ZIM2: variants seen among roughly 807,000 people sequenced by gnomAD.
The protein encoded by ZIM2 is zinc finger protein 656.
Under a neutral mutation model 38.6 loss-of-function variants are expected in ZIM2, and 14 were observed. The ratio of observed to expected loss-of-function variants is 0.36; its 90% CI spans 0.24 to 0.57. ZIM2 has a LOEUF of 0.57. Among genes scored for constraint, ZIM2 ranks in the 20% least tolerant of loss-of-function variants. The probability of loss-of-function intolerance (pLI) is 0.81; values close to 1 mark genes in which losing one functional copy is unlikely to be tolerated. For synonymous variants in ZIM2, 247 were observed against 245.8 expected, an observed-to-expected ratio of 1.00 and a Z score of -0.04; for missense variants, 680 against 695.1, an observed-to-expected ratio of 0.98 and a Z score of 0.24.
rs762679674 is a variant in ZIM2, at chr19:56,817,471, C to T, written c.490+275G>A. 186 of 1,613,508 alleles carry T rather than the reference C, an allele frequency of 1.2e-4. No homozygotes were observed. In the East Asian group the frequency reaches 3.5e-3, roughly 31 times the overall value. On this transcript the variant is annotated intron_variant, in intron 9 of 12. Coordinates refer to ENST00000629319, the MANE Select transcript of ZIM2 (RefSeq NM_001387356.1). ...CCTTGCTCTTCCCGATTTGGAACTG[C>T]GTGACACATCCTTGATGAATTTTTC...
chr19:56,814,747 T>C lies in ZIM2; in HGVS notation c.490+2999A>G, dbSNP rs373737957. The C allele has an allele frequency of 5.6e-6, 9 of 1,614,158 alleles. No homozygotes were observed. Among genetic ancestry groups the C allele is most frequent in the Non-Finnish European group, 6.8e-6 (8 of 1,180,034 alleles). ...AAGGGCAGAGCTATGAATGAAGCCTTGTCCACACAAAAGGCATCGAATGGC... is the reference window on the plus strand; with the variant it reads ...AAGGGCAGAGCTATGAATGAAGCCTCGTCCACACAAAAGGCATCGAATGGC... On this transcript the variant is annotated intron_variant, in intron 9 of 12. Coordinates refer to ENST00000629319, the MANE Select transcript of ZIM2 (RefSeq NM_001387356.1). The surrounding 1 kb of genome is among the most constrained non-coding windows in gnomAD (Gnocchi z 5.8).
At chr19:56,811,036 T>C (rs2059503661) in intron 9 of ZIM2, 1 of 980,868 alleles carries the variant, frequency 1.0e-6, no homozygotes, top group African/African-American at 1.7e-5. Flanking sequence ...CATAAACCTG[T>C]GCACAGAAAC....
rs1303390578 is a variant in ZIM2, at chr19:56,831,833, T to C, written c.-227+4185A>G. Among the ~76,000 whole-genome samples, 3 of 152,358 alleles carry C rather than the reference T, an allele frequency of 2.0e-5. No individual in the cohort carries two copies. The East Asian group carries it at 5.8e-4, about 29-fold the overall frequency. ...TGCTATTAATAAATCTTAAAATCTA[T>C]ACTTATGTTGTTCTTACTGCAAATA... On this transcript the variant is annotated intron_variant, in intron 2 of 12. Coordinates refer to ENST00000629319, the MANE Select transcript of ZIM2 (RefSeq NM_001387356.1).
At chr19:56,795,165 A>C (rs2047134735) in intron 9 of ZIM2, among the ~76,000 whole-genome samples, 1 of 151,780 alleles carries the variant, frequency 6.6e-6, no homozygotes, top group Admixed American at 6.6e-5. Context: ...AGTGATTCTC[A>C]AGCCTCAGCC....
chr19:56,818,145 G>T (rs1210207683), intron 8 of ZIM2, among the ~76,000 whole-genome samples: 1 of 151,886 alleles, frequency 6.6e-6, no homozygotes, highest in Non-Finnish European at 1.5e-5. Context: ...TTTTCCACTG[G>T]CCTTCTTCCT....
chr19:56,823,554 C>A, intron 5 of ZIM2, 36 bp downstream of exon 5: 1 of 1,613,362 alleles, frequency 6.2e-7, no homozygotes, highest in East Asian at 2.2e-5. Flanking sequence ...TCTGGCAGCG[C>A]CTGCCCATGG....
chr19:56,807,531 A>G (rs1387654952), intron 9 of ZIM2, among the ~76,000 whole-genome samples: 2 of 152,206 alleles, frequency 1.3e-5, no homozygotes, highest in African/African-American at 4.8e-5. Context: ...TGTCTAGGCC[A>G]GGCACAGTGG....
intron 9 of ZIM2, among the ~76,000 whole-genome samples, chr19:56,803,728 A>C (rs1026107600): frequency 6.6e-6 from 1 of 152,128 alleles, no homozygotes; most frequent in African/African-American, 2.4e-5. Flanking sequence ...TAATTAAAGA[A>C]AATAATAAAG....
At position 56,781,946 on chromosome 19, in the gene ZIM2, T is replaced by C. The variant is rs542641727; in HGVS notation, c.739+7A>G. The C allele has an allele frequency of 2.5e-6, 4 of 1,612,638 alleles. No individual in the cohort carries two copies. The highest frequency in any genetic ancestry group is 2.7e-5 in the African/African-American group (2 of 75,006). On this transcript the variant is annotated splice_region_variant and intron_variant, in intron 11 of 12. Transcript: ENST00000629319. ...GAAACCAAGTCCTGTGGAGAAGGCA[T>C]ACTTACCCAGGGAGACCAGGTTCCG...
At position 56,810,596 on chromosome 19, in the gene ZIM2, C is replaced by T. The variant is rs1047954169; in HGVS notation, c.490+7150G>A. Reference sequence around the variant, plus strand: ...TTATATTTGTAATGGAAAATACATACATAAAATTTATTACCAAAACACCAA... The same window carrying T: ...TTATATTTGTAATGGAAAATACATATATAAAATTTATTACCAAAACACCAA... On this transcript the variant is annotated intron_variant, in intron 9 of 12. Transcript: ENST00000629319. The T allele has an allele frequency of 6.5e-6, 6 of 929,564 alleles. No individual in the cohort carries two copies. The African/African-American group carries it at 8.9e-5, about 14-fold the overall frequency. The allele number at this position is 929,564 out of a possible 1,614,324, so 57.6% of individuals were successfully genotyped here.
At chr19:56,812,971 G>A (rs1298469890) in intron 9 of ZIM2, 25 of 985,666 alleles carry the variant, frequency 2.5e-5, no homozygotes, top group Non-Finnish European at 2.9e-5. Context: ...CAAAGTGTTG[G>A]CGCAGATGAA....
rs372687566 is a variant in ZIM2, at chr19:56,814,393, T to C, written c.490+3353A>G. 14 of 1,613,644 alleles carry C rather than the reference T, an allele frequency of 8.7e-6. No individual in the cohort carries two copies. The African/African-American group carries it at 1.6e-4, about 18-fold the overall frequency. On this transcript the variant is annotated intron_variant, in intron 9 of 12. Coordinates refer to ENST00000629319, the MANE Select transcript of ZIM2 (RefSeq NM_001387356.1). The surrounding 1 kb of genome is among the most constrained non-coding windows in gnomAD (Gnocchi z 5.8). ...TTCTTCTTCCAGATGAAGCTCCTTA[T>C]GTTTAGTGAGGACTGTGCTATGAAT...
At chr19:56,787,742 A>G (rs915651549) in intron 10 of ZIM2, among the ~76,000 whole-genome samples, 1 of 114,778 alleles carries the variant, frequency 8.7e-6, no homozygotes, top group Non-Finnish European at 1.7e-5. Flanking sequence ...TTGGTAGGCT[A>G]TTAATTACTG....
intron 12 of ZIM2, 30 bp downstream of exon 12, chr19:56,779,347 T>A: frequency 6.2e-7 from 1 of 1,610,592 alleles, no homozygotes; most frequent in Non-Finnish European, 8.5e-7. Flanking sequence ...TTCCCCCTCC[T>A]ACACCCCGGG....
At chr19:56,816,874 T>A (rs763791862) in intron 9 of ZIM2, 1 of 1,614,074 alleles carries the variant, frequency 6.2e-7, no homozygotes, top group South Asian at 1.1e-5. Context: ...AATCTTCCGA[T>A]GTTCAGCCAA....
chr19:56,785,200 A>T (rs150230022), intron 10 of ZIM2, among the ~76,000 whole-genome samples: 1 of 152,238 alleles, frequency 6.6e-6, no homozygotes, highest in East Asian at 1.9e-4. Context: ...TATATATGGG[A>T]CAGGCACTCC....
At chr19:56,836,882 A>G (rs1385969557) in intron 1 of ZIM2, among the ~76,000 whole-genome samples, 2 of 149,820 alleles carry the variant, frequency 1.3e-5, no homozygotes. Flanking sequence ...GGGTGGGAGA[A>G]TCACTTGAAC....
chr19:56,782,796 T>C (rs968484540), intron 10 of ZIM2, among the ~76,000 whole-genome samples: 2 of 152,126 alleles, frequency 1.3e-5, no homozygotes, highest in Non-Finnish European at 2.9e-5. Context: ...AGGCAGGCAA[T>C]GTGGAATAAG....
At chr19:56,784,549 C>T (rs1600725487) in intron 10 of ZIM2, among the ~76,000 whole-genome samples, 1 of 152,114 alleles carries the variant, frequency 6.6e-6, no homozygotes, top group South Asian at 2.1e-4. Context: ...TTTAAGACTG[C>T]TATCTTACTG....
Sources: allele counts gnomAD v4.1 joint callset (sites outside exome capture counted in the v4.1 genomes callset), GRCh38; gene constraint gnomAD v4.1.1; non-coding constraint Gnocchi (gnomAD v3.1); transcripts MANE v1.5; gene names NCBI Gene and HGNC (gene_info 2026-07-23, HGNC 2026-07-21).